SMARCAL1: variants seen among roughly 807,000 people sequenced by gnomAD.
The protein encoded by SMARCAL1 is SNF2 related chromatin remodeling annealing helicase 1, also known as ATP-driven annealing helicase.
A neutral mutation model predicts 94.5 loss-of-function variants in SMARCAL1; 58 were observed. That is an observed-to-expected ratio of 0.61 (90% CI 0.50 to 0.76). The LOEUF is 0.76. SMARCAL1 is among the 30% of genes least tolerant of loss of function. SMARCAL1 has a pLI of 0.00. For synonymous variants in SMARCAL1, 422 were observed against 455.1 expected (o/e 0.93, Z 0.93); for missense variants, 1,051 against 1,177.9 (o/e 0.89, Z 1.58).
intron 10 of SMARCAL1, among the ~76,000 whole-genome samples, chr2:216,439,326 G>A (rs1014756755): frequency 8.0e-5 from 1 of 12,442 alleles, no homozygotes; most frequent in Non-Finnish European, 1.3e-4. Flanking sequence ...TTCCATTATG[G>A]GGGGGGGGGA....
chr2:216,414,574 G>A (rs1693542744), intron 2 of SMARCAL1, 73 bp from the exon 3 acceptor site: 1 of 815,432 alleles, frequency 1.2e-6, no homozygotes, highest in Admixed American at 2.2e-5. Context: ...ACAAAAGCTT[G>A]TTAAAATCAT....
intron 5 of SMARCAL1, among the ~76,000 whole-genome samples, chr2:216,421,378 A>C (rs548236730): frequency 6.6e-6 from 1 of 152,100 alleles, no homozygotes; most frequent in Admixed American, 6.5e-5. Flanking sequence ...GCTCACCGCA[A>C]CCTCTGCCTC....
intron 7 of SMARCAL1, among the ~76,000 whole-genome samples, chr2:216,429,002 G>T (rs1256691568): frequency 6.6e-6 from 1 of 152,204 alleles, no homozygotes; most frequent in African/African-American, 2.4e-5. Context: ...CTGAATTGCA[G>T]CTATGCAGAA....
rs1216215817 is a variant in SMARCAL1, at chr2:216,464,617, C to T, written c.2091C>T (p.Ala697=). Residue 697 remains alanine, a synonymous_variant, in exon 13 of 18, where the codon GCC becomes GCT. Transcript: ENST00000357276. The part of the protein sequence containing the change: ...KDKTKQQQKD[A]LILFFNRTAE... ...AACAGAAACAGCAGCAGAAAGATGC[C>T]CTCATTCTCTTCTTCAACAGAACAG... is the stretch of plus-strand genomic sequence containing the variant. The T allele has an allele frequency of 6.2e-7, 1 of 1,613,204 alleles. No individual in the cohort carries two copies. The highest frequency in any genetic ancestry group is 1.7e-5 in the Admixed American group (1 of 59,966).
chr2:216,451,631 T>G (rs114756545), intron 12 of SMARCAL1: 16,172 of 167,260 alleles, frequency 0.097, 982 homozygotes, highest in South Asian at 0.18. Context: ...GAGATTGCAG[T>G]TTGCCCAGGG....
intron 9 of SMARCAL1, among the ~76,000 whole-genome samples, chr2:216,436,859 G>A (rs1048723374): frequency 3.3e-5 from 5 of 152,198 alleles, no homozygotes; most frequent in Non-Finnish European, 7.3e-5. Flanking sequence ...TGATGAAACT[G>A]GCAGTGAGAG....
rs1462675567 is a variant in SMARCAL1, at chr2:216,415,404, G to A, written c.700G>A (p.Val234Met). The A allele has an allele frequency of 6.2e-7, 1 of 1,614,244 alleles. No homozygotes were observed. Among genetic ancestry groups the A allele is most frequent in the Non-Finnish European group, 8.5e-7 (1 of 1,180,048 alleles). The change falls in exon 3 of 18, where the codon GTG (valine) becomes ATG (methionine). Residue 234 changes from valine (V) to methionine (M), a missense_variant. Physicochemically the swap from Val to Met is conservative, Grantham distance 21. Transcript: ENST00000357276. ...QKSGSSVQKG[V>M]NSQKGKCVRN... is the part of the protein sequence containing the mutation. ...GTCAGGGTCCTCAGTCCAAAAAGGA[G>A]TGAACTCTCAGAAGGGAAAGTGCGT...
At chr2:216,473,530 G>A (rs1559137899) in intron 14 of SMARCAL1, among the ~76,000 whole-genome samples, 1 of 151,720 alleles carries the variant, frequency 6.6e-6, no homozygotes, top group Non-Finnish European at 1.5e-5. Flanking sequence ...GAAATAGAAG[G>A]GTTAAATTAT....
chr2:216,466,351 T>C (rs1204818836), intron 13 of SMARCAL1, among the ~76,000 whole-genome samples: 1 of 152,226 alleles, frequency 6.6e-6, no homozygotes, highest in Non-Finnish European at 1.5e-5. Context: ...GTGAACTCAT[T>C]TCACATTTAC....
intron 2 of SMARCAL1, 187 bp from the exon 3 acceptor site, chr2:216,414,460 A>T: frequency 2.0e-6 from 1 of 499,798 alleles, no homozygotes. Flanking sequence ...CTTTTTGATC[A>T]GGGTCTTTAT....
intron 14 of SMARCAL1, among the ~76,000 whole-genome samples, chr2:216,474,737 CAA>C (rs1174300244): frequency 1.3e-5 from 2 of 151,754 alleles, no homozygotes; most frequent in African/African-American, 2.4e-5. Context: ...GCCTGAGTGA[CAA>C]GAGTGAAACT....
intron 9 of SMARCAL1, among the ~76,000 whole-genome samples, chr2:216,436,043 A>G (rs1043005588): frequency 5.9e-5 from 9 of 152,090 alleles, no homozygotes; most frequent in African/African-American, 2.2e-4. Flanking sequence ...ATCTCGGCTC[A>G]CTGCAACCTC....
chr2:216,458,953 T>C (rs932882182), intron 12 of SMARCAL1, among the ~76,000 whole-genome samples: 9 of 152,090 alleles, frequency 5.9e-5, no homozygotes, highest in African/African-American at 2.2e-4. Flanking sequence ...CAGCCCCAAA[T>C]CTCCTTAAGC....
intron 1 of SMARCAL1, among the ~76,000 whole-genome samples, chr2:216,413,593 A>T (rs927736989): frequency 6.6e-6 from 1 of 152,196 alleles, no homozygotes; most frequent in African/African-American, 2.4e-5. Flanking sequence ...GAGTAATTTT[A>T]TTCTTTTTTG....
intron 12 of SMARCAL1, among the ~76,000 whole-genome samples, chr2:216,460,402 C>T (rs1694667832): frequency 6.6e-6 from 1 of 152,138 alleles, no homozygotes; most frequent in Non-Finnish European, 1.5e-5. Flanking sequence ...TTTATTGCAG[C>T]ACTATTCACA....
At chr2:216,467,814 G>T in intron 13 of SMARCAL1, 130 bp from the exon 14 acceptor site, 1 of 699,396 alleles carries the variant, frequency 1.4e-6, no homozygotes, top group East Asian at 2.7e-5. Context: ...ATGATAGTCG[G>T]AGGTAAAGTG....
rs905827328 is a variant in SMARCAL1, at chr2:216,415,135, G to A, written c.431G>A (p.Gly144Asp). 1 of 1,612,858 alleles carries A rather than the reference G, an allele frequency of 6.2e-7. No individual in the cohort carries two copies. Among genetic ancestry groups the A allele is most frequent in the South Asian group, 1.1e-5 (1 of 91,050 alleles). The change falls in exon 3 of 18, where the codon GGT becomes GAT. Residue 144 changes from glycine (G) to aspartate (D), a missense_variant. By Grantham distance (94) the Gly-to-Asp change is moderately conservative. Around this residue, in one of 3 missense-constraint regions of SMARCAL1, gnomAD observed 398 missense variants for 395.2 expected, o/e 1.01. Coordinates refer to ENST00000357276, the MANE Select transcript of SMARCAL1 (RefSeq NM_014140.4). Reference protein sequence around the residue: ...PKQQLLSYELGQGHAQASPEI... With the variant: ...PKQQLLSYELDQGHAQASPEI... ...CAACAGCTCTTGAGTTATGAGTTAG[G>A]TCAAGGTCATGCTCAGGCTTCACCT...
chr2:216,421,390 C>T (rs945763617), intron 5 of SMARCAL1, among the ~76,000 whole-genome samples: 4 of 152,072 alleles, frequency 2.6e-5, no homozygotes, highest in African/African-American at 4.8e-5. Context: ...CTCTGCCTCC[C>T]GGGTTCAAGT....
rs1415106031 is a variant in SMARCAL1 at position 216,441,178 on chromosome 2, A to C, written c.1710+2693A>C. On this transcript the variant is annotated intron_variant, in intron 10 of 17. Transcript: ENST00000357276. The stretch of plus-strand genomic sequence containing the variant: ...ATAGGCATAATGAGGTATTTAGATT[A>C]AATCATACAGTTCGTTGGATAGCAG... 7.9e-5 allele frequency among the ~76,000 whole-genome samples: 12 copies of C among 152,242 alleles called. No homozygotes were observed. The South Asian group carries it at 2.3e-3, about 29-fold the overall frequency.
Sources: allele counts gnomAD v4.1 joint callset (sites outside exome capture counted in the v4.1 genomes callset), GRCh38; gene constraint gnomAD v4.1.1; regional missense constraint gnomAD v4.1.1; transcripts MANE v1.5; gene names NCBI Gene and HGNC (gene_info 2026-07-23, HGNC 2026-07-21).